PCYT1B: variants seen among roughly 807,000 people sequenced by gnomAD.
PCYT1B encodes phosphate cytidylyltransferase 1B, choline, also known as choline-phosphate cytidylyltransferase B.
PCYT1B carries 10 observed loss-of-function variants against 26.4 expected under a neutral mutation model. The ratio of observed to expected loss-of-function variants is 0.38; its 90% CI spans 0.23 to 0.64. The LOEUF is 0.64. Ranked by LOEUF, PCYT1B falls within the 30% of genes least tolerant of loss-of-function variation. PCYT1B has a pLI of 0.56. For missense variants in PCYT1B, 161 were observed against 292.7 expected (o/e 0.55, Z 3.28); for synonymous variants, 131 against 108.4 (o/e 1.21, Z -1.29).
upstream of PCYT1B, among the ~76,000 whole-genome samples, chrX:24,649,848 C>A (rs1011402772): frequency 3.6e-5 from 4 of 112,337 alleles, no homozygotes; most frequent in Non-Finnish European, 7.5e-5. Flanking sequence ...TCCGTCACAC[C>A]TGACACTTAC....
At chrX:24,589,965 C>A in intron 4 of PCYT1B, 58 bp downstream of exon 4, 1 of 1,002,785 alleles carries the variant, frequency 1.0e-6, no homozygotes, top group Admixed American at 2.6e-5. Flanking sequence ...GTAGTCTTGG[C>A]TGCAGAACCA....
At chrX:24,629,108 C>T (rs1569251891) in intron 1 of PCYT1B, among the ~76,000 whole-genome samples, 1 of 111,786 alleles carries the variant, frequency 8.9e-6, no homozygotes, top group African/African-American at 3.2e-5. Flanking sequence ...ATTTTGATTA[C>T]AAAAAGATTG....
At chrX:24,649,296 T>G (rs1926717077), upstream of PCYT1B, among the ~76,000 whole-genome samples, 1 of 111,730 alleles carries the variant, frequency 9.0e-6, no homozygotes, top group Non-Finnish European at 1.9e-5. Flanking sequence ...TATTTTTGCC[T>G]TAGAGCAGTG....
At chrX:24,660,710 A>G (rs763896635) in intron 1 of PCYT1B, among the ~76,000 whole-genome samples, 2 of 109,521 alleles carry the variant, frequency 1.8e-5, no homozygotes, top group Non-Finnish European at 3.8e-5. Flanking sequence ...GAAAAAAAAG[A>G]CACTAAGGGT....
At chrX:24,666,590 T>G (rs1368007909) in intron 1 of PCYT1B, among the ~76,000 whole-genome samples, 1 of 98,564 alleles carries the variant, frequency 1.0e-5, no homozygotes, top group Non-Finnish European at 2.1e-5. Flanking sequence ...CTTTTCTCTT[T>G]CCGTGTATGT....
At position 24,627,544 on chromosome X, in the gene PCYT1B, C is replaced by T. The variant is rs1352240663; in HGVS notation, c.118-8460G>A. Among the ~76,000 whole-genome samples, 5 of 111,648 alleles carry T rather than the reference C, an allele frequency of 4.5e-5. No individual in the cohort carries two copies. In the South Asian group the frequency reaches 1.5e-3, roughly 34 times the overall value. On this transcript the variant is annotated intron_variant, in intron 1 of 7. Coordinates refer to ENST00000379144, the MANE Select transcript of PCYT1B (RefSeq NM_004845.5). ...AGACAGGGTTTCGCCATGCTGGTCT[C>T]GAACGCCTGACCTCAGGTGATCTAC... is the stretch of plus-strand genomic sequence containing the variant.
intron 6 of PCYT1B, among the ~76,000 whole-genome samples, chrX:24,577,113 C>T (rs1466908990): frequency 1.8e-5 from 2 of 111,122 alleles, no homozygotes; most frequent in Non-Finnish European, 1.9e-5. Context: ...ACCTGAAGGA[C>T]CTTGGCCAGG....
chrX:24,647,834 C>T (rs1451041485), upstream of PCYT1B, among the ~76,000 whole-genome samples: 1 of 112,451 alleles, frequency 8.9e-6, no homozygotes, highest in Non-Finnish European at 1.9e-5. Context: ...TGGCAGATCC[C>T]CTCGTGGCCT....
chrX:24,575,113 G>A lies in PCYT1B; in HGVS notation c.897+17C>T, dbSNP rs779748059. 6.1e-6 allele frequency: 7 copies of A among 1,147,932 alleles called. No homozygotes were observed. In the South Asian group the frequency reaches 1.3e-4, roughly 21 times the overall value. 94.6% of individuals were successfully genotyped at this position (1,147,932 alleles called of 1,213,427 possible). ...AAAACACTCATCATTGTGGGGTAAA[G>A]TGAAATCATTACATACCCATGCTCC... On this transcript the variant is annotated intron_variant, in intron 7 of 7. Transcript: ENST00000379144.
At chrX:24,641,630 C>A (rs912411085) in intron 1 of PCYT1B, among the ~76,000 whole-genome samples, 1 of 112,076 alleles carries the variant, frequency 8.9e-6, no homozygotes, top group Non-Finnish European at 1.9e-5. Context: ...ATTAGCTAGT[C>A]CGAATTGAGA....
intron 3 of PCYT1B, among the ~76,000 whole-genome samples, chrX:24,601,561 C>T (rs758957967): frequency 4.6e-5 from 5 of 107,910 alleles, no homozygotes; most frequent in African/African-American, 1.7e-4. Flanking sequence ...GATAAAGGAC[C>T]GCTACCCAAA....
rs150808969 is a variant in PCYT1B at position 24,611,519 on chromosome X, G to A, written c.218-3658C>T. Among the ~76,000 whole-genome samples, 907 of 111,484 alleles carry A rather than the reference G, an allele frequency of 8.1e-3. 5 individuals carry two copies. Among genetic ancestry groups the A allele is most frequent in the Non-Finnish European group, 0.013 (671 of 53,125 alleles). ...ACAACTATTGCATGGCTATCGTGGA[G>A]AGACGTTAAGGTGGCTCCTAATGAT... On this transcript the variant is annotated intron_variant, in intron 2 of 7. Transcript: ENST00000379144.
chrX:24,580,182 T>C (rs1267028973), intron 5 of PCYT1B, among the ~76,000 whole-genome samples: 1 of 112,217 alleles, frequency 8.9e-6, no homozygotes, highest in Non-Finnish European at 1.9e-5. Context: ...AAATTAAATA[T>C]TTGTCTCCAT....
At chrX:24,615,027 C>T (rs1925441725) in intron 2 of PCYT1B, among the ~76,000 whole-genome samples, 1 of 111,863 alleles carries the variant, frequency 8.9e-6, no homozygotes, top group Admixed American at 9.5e-5. Context: ...ACCATGTTGG[C>T]CAGGCTGGTC....
intron 1 of PCYT1B, among the ~76,000 whole-genome samples, chrX:24,643,736 G>A (rs1926536018): frequency 8.9e-6 from 1 of 111,962 alleles, no homozygotes; most frequent in Non-Finnish European, 1.9e-5. Flanking sequence ...TACTTACAGG[G>A]ATCTAAAATA....
At chrX:24,619,243 A>G in intron 1 of PCYT1B, 159 bp from the exon 2 acceptor site, 1 of 447,916 alleles carries the variant, frequency 2.2e-6, no homozygotes, top group Admixed American at 3.4e-5. Flanking sequence ...ACATAAAAAT[A>G]GGGCATCATC....
At chrX:24,634,055 A>G (rs1464414759) in intron 1 of PCYT1B, among the ~76,000 whole-genome samples, 4 of 110,720 alleles carry the variant, frequency 3.6e-5, no homozygotes, top group Non-Finnish European at 7.6e-5. Flanking sequence ...TCCTAGGACT[A>G]CAGGCACATA....
chrX:24,607,185 T>A (rs966066192), intron 3 of PCYT1B, among the ~76,000 whole-genome samples: 7 of 112,102 alleles, frequency 6.2e-5, no homozygotes, highest in Non-Finnish European at 1.3e-4. Flanking sequence ...AGTAAATTGG[T>A]CCCTTCGTTG....
At chrX:24,635,407 T>C (rs1926241480) in intron 1 of PCYT1B, among the ~76,000 whole-genome samples, 1 of 112,400 alleles carries the variant, frequency 8.9e-6, no homozygotes, top group South Asian at 3.6e-4. Context: ...GAACAAATTA[T>C]GCAGTGTGGG....
Sources: allele counts gnomAD v4.1 joint callset (sites outside exome capture counted in the v4.1 genomes callset), GRCh38; gene constraint gnomAD v4.1.1; transcripts MANE v1.5; gene names NCBI Gene and HGNC (gene_info 2026-07-23, HGNC 2026-07-21).